Variants in CCDC170 observed in about 807,000 individuals in gnomAD.
CCDC170 encodes coiled-coil domain-containing protein 170.
In CCDC170, 69 loss-of-function variants were observed where a neutral mutation model predicts 72.6. The observed-to-expected ratio is 0.95, with a 90% confidence interval of 0.78 to 1.16. The LOEUF is 1.16. Among genes scored for constraint, CCDC170 ranks in the 50% most tolerant of loss-of-function variants. The pLI is 0.00. For synonymous variants in CCDC170, 300 were observed against 303.9 expected (o/e 0.99, Z 0.13); for missense variants, 852 against 832.5 (o/e 1.02, Z -0.29).
chr6:151,597,069 G>A (rs112647815), intron 9 of CCDC170, among the ~76,000 whole-genome samples: 3,870 of 152,130 alleles, frequency 0.025, 128 homozygotes, highest in African/African-American at 0.081. Flanking sequence ...CAGGTGATCC[G>A]CCCGCCTTGG....
rs566173608 is a variant in CCDC170, at chr6:151,599,040, A to C, written c.1710+2463A>C. On this transcript the variant is annotated intron_variant, in intron 9 of 10. Transcript: ENST00000239374. ...CCAAAGAAGCTAGAAAAGAAAAGTT[A>C]AAGAAATGGAAACCAGTGGTAAGAC... Among the ~76,000 whole-genome samples, 19 of 152,334 alleles carry C rather than the reference A, an allele frequency of 1.2e-4. No homozygotes were observed. In the East Asian group the frequency reaches 3.7e-3, roughly 29 times the overall value.
intron 7 of CCDC170, among the ~76,000 whole-genome samples, chr6:151,589,061 C>T (rs1300033800): frequency 1.3e-5 from 2 of 152,090 alleles, no homozygotes; most frequent in African/African-American, 4.8e-5. Context: ...CAAGAACAGC[C>T]TGGCCAACAT....
chr6:151,553,006 C>G (rs1231169856), intron 5 of CCDC170, among the ~76,000 whole-genome samples: 1 of 151,736 alleles, frequency 6.6e-6, no homozygotes, highest in African/African-American at 2.4e-5. Context: ...AGGCTGGTCT[C>G]GAACTCCTGA....
At chr6:151,585,019 T>C (rs1776432838) in intron 6 of CCDC170, among the ~76,000 whole-genome samples, 1 of 152,170 alleles carries the variant, frequency 6.6e-6, no homozygotes, top group South Asian at 2.1e-4. Flanking sequence ...ACCCTAGGCT[T>C]GGTGGTTTTA....
chr6:151,614,759 T>G (rs188254583), intron 9 of CCDC170, among the ~76,000 whole-genome samples: 25 of 152,176 alleles, frequency 1.6e-4, no homozygotes, highest in Admixed American at 7.2e-4. Context: ...GGCCTTAAAT[T>G]CTTTTTGTAA....
intron 5 of CCDC170, among the ~76,000 whole-genome samples, chr6:151,553,284 T>G (rs1479969439): frequency 6.6e-6 from 1 of 152,192 alleles, no homozygotes; most frequent in Non-Finnish European, 1.5e-5. Context: ...TGAACCCATA[T>G]CATTACATTA....
rs192370957 is a variant in CCDC170, at chr6:151,556,396, A to C, written c.774+7907A>C. On this transcript the variant is annotated intron_variant, in intron 5 of 10. Coordinates refer to ENST00000239374, the MANE Select transcript of CCDC170 (RefSeq NM_025059.4). ...CTTGAACCTGGGAGGTGGAGTTTGC[A>C]GTGAGCTGAGATTGAGCCACTGCAC... Among the ~76,000 whole-genome samples the C allele has an allele frequency of 3.4e-3, 523 of 152,366 alleles. 3 individuals carry two copies. Among genetic ancestry groups the C allele is most frequent in the African/African-American group, 0.012 (507 of 41,592 alleles).
chr6:151,565,127 G>A (rs909444317), intron 5 of CCDC170, among the ~76,000 whole-genome samples: 2 of 152,296 alleles, frequency 1.3e-5, no homozygotes, highest in East Asian at 1.9e-4. Flanking sequence ...TTTGGCCCTG[G>A]CAGCAGCAGC....
intron 1 of CCDC170, among the ~76,000 whole-genome samples, chr6:151,497,169 C>T (rs112096532): frequency 0.045 from 6,808 of 152,188 alleles, 462 homozygotes; most frequent in African/African-American, 0.15. Flanking sequence ...GTGTGTGGAT[C>T]GCTTGAGCCC....
chr6:151,575,525 CTTTTTTTTT>C lies in CCDC170; in HGVS notation c.1092+2048_1092+2056del, dbSNP rs869185539. On this transcript the variant is annotated intron_variant, in intron 6 of 10. Coordinates refer to ENST00000239374, the MANE Select transcript of CCDC170 (RefSeq NM_025059.4). Reference sequence around the variant, plus strand: ...AAGCACATTTTCTTTTCTTTTCTTTCTTTTTTTTTTTTTTTTTTTTTTGAGATGGAGTCT... The same window carrying C: ...AAGCACATTTTCTTTTCTTTTCTTTCTTTTTTTTTTTTTGAGATGGAGTCT... 8.8e-5 allele frequency among the ~76,000 whole-genome samples: 7 copies of C among 79,672 alleles called. No individual in the cohort carries two copies. The South Asian group carries it at 1.8e-3, about 20-fold the overall frequency. The allele number at this position is 79,672 out of a possible 152,430, so 52.3% of individuals were successfully genotyped here.
At chr6:151,513,348 G>A (rs1011901784) in intron 1 of CCDC170, among the ~76,000 whole-genome samples, 4 of 152,166 alleles carry the variant, frequency 2.6e-5, no homozygotes, top group African/African-American at 4.8e-5. Context: ...GGTGGCTCAC[G>A]CCTGTAATCC....
At chr6:151,613,344 G>A (rs948896262) in intron 9 of CCDC170, among the ~76,000 whole-genome samples, 11 of 152,152 alleles carry the variant, frequency 7.2e-5, no homozygotes, top group East Asian at 5.8e-4. Flanking sequence ...CAGAGGTTGC[G>A]GTGAGCTGAG....
chr6:151,525,777 C>T (rs145358879), intron 1 of CCDC170, among the ~76,000 whole-genome samples: 2 of 152,150 alleles, frequency 1.3e-5, no homozygotes, highest in Non-Finnish European at 2.9e-5. Flanking sequence ...CTATAGTTAA[C>T]TAATTCATGT....
At chr6:151,583,774 T>C (rs1480131287) in intron 6 of CCDC170, among the ~76,000 whole-genome samples, 1 of 152,206 alleles carries the variant, frequency 6.6e-6, no homozygotes, top group Non-Finnish European at 1.5e-5. Flanking sequence ...TTCCTTTCAT[T>C]TGAAAACTTA....
chr6:151,504,796 G>A (rs949039701), intron 1 of CCDC170, among the ~76,000 whole-genome samples: 7 of 151,886 alleles, frequency 4.6e-5, no homozygotes, highest in Middle Eastern at 3.4e-3. Flanking sequence ...ACTAGATACT[G>A]GAAGTGGCTG....
chr6:151,571,113 A>G (rs923944470), intron 5 of CCDC170, among the ~76,000 whole-genome samples: 6 of 152,182 alleles, frequency 3.9e-5, no homozygotes, highest in African/African-American at 1.4e-4. Context: ...AAAAAATAGG[A>G]ACTAGTGTTT....
rs902433638 is a variant in CCDC170 at position 151,582,255 on chromosome 6, T to A, written c.1093-3634T>A. ...ACCTTCATCAATGATCTTAGCTAGA[T>A]CTTGTGGATAACTTACCCCAGCTTC... is the stretch of plus-strand genomic sequence containing the variant. On this transcript the variant is annotated intron_variant, in intron 6 of 10. Transcript: ENST00000239374. Among the ~76,000 whole-genome samples, 3 of 152,358 alleles carry A rather than the reference T, an allele frequency of 2.0e-5. No homozygotes were observed. The East Asian group carries it at 5.8e-4, about 29-fold the overall frequency.
At chr6:151,497,209 GC>G (rs1356883131) in intron 1 of CCDC170, among the ~76,000 whole-genome samples, 1 of 152,034 alleles carries the variant, frequency 6.6e-6, no homozygotes, top group Non-Finnish European at 1.5e-5. Flanking sequence ...GGGCAACATG[GC>G]AAAACCCCGT....
chr6:151,544,848 C>G, intron 4 of CCDC170, 132 bp downstream of exon 4: 2 of 790,160 alleles, frequency 2.5e-6, no homozygotes, highest in South Asian at 2.4e-5. Context: ...TATTAATTAA[C>G]TGTATGACTT....
Sources: allele counts gnomAD v4.1 joint callset (sites outside exome capture counted in the v4.1 genomes callset), GRCh38; gene constraint gnomAD v4.1.1; transcripts MANE v1.5; gene names NCBI Gene and HGNC (gene_info 2026-07-23, HGNC 2026-07-21).